PCSK2: variants seen among roughly 807,000 people sequenced by gnomAD.
PCSK2 encodes the protein neuroendocrine convertase 2.
In PCSK2, 14 loss-of-function variants were observed where a neutral mutation model predicts 69.7. That is an observed-to-expected ratio of 0.20 (90% CI 0.13 to 0.31). PCSK2 has a LOEUF of 0.31. PCSK2 is among the 10% of genes least tolerant of loss of function. PCSK2 has a pLI of 1.00. For synonymous variants in PCSK2, 307 were observed against 320.7 expected (o/e 0.96, Z 0.46); for missense variants, 544 against 842.5 (o/e 0.65, Z 4.39).
chr20:17,328,426 CATA>C (rs1478230601), intron 2 of PCSK2, among the ~76,000 whole-genome samples: 1 of 147,996 alleles, frequency 6.8e-6, no homozygotes, highest in African/African-American at 2.5e-5. Flanking sequence ...TAAAATTATA[CATA>C]ATTTTATATA....
At chr20:17,468,738 C>A (rs1157327413) in intron 11 of PCSK2, among the ~76,000 whole-genome samples, 1 of 151,810 alleles carries the variant, frequency 6.6e-6, no homozygotes, top group African/African-American at 2.4e-5. Context: ...CTGCTGTAGA[C>A]AGGCAGCCCA....
chr20:17,329,967 A>G lies in PCSK2; in HGVS notation c.283-28360A>G, dbSNP rs575958948. Among the ~76,000 whole-genome samples the G allele has an allele frequency of 3.9e-5, 6 of 152,356 alleles. No individual in the cohort carries two copies. The South Asian group carries it at 1.2e-3, about 32-fold the overall frequency. The stretch of plus-strand genomic sequence containing the variant: ...CAATAGAAATGTAATGTGAGCCACA[A>G]CTGTGTACATAATATGAAGTAGCCA... On this transcript the variant is annotated intron_variant, in intron 2 of 11. Coordinates refer to ENST00000262545, the MANE Select transcript of PCSK2 (RefSeq NM_002594.5).
chr20:17,301,694 A>T (rs1989089244), intron 2 of PCSK2, among the ~76,000 whole-genome samples: 1 of 152,176 alleles, frequency 6.6e-6, no homozygotes, highest in African/African-American at 2.4e-5. Flanking sequence ...ACACTTTGGG[A>T]GTCCAAGGCA....
At chr20:17,228,331 A>G (rs1986010325) in intron 1 of PCSK2, 1 of 152,246 alleles carries the variant, frequency 6.6e-6, no homozygotes, top group Non-Finnish European at 1.5e-5. Context: ...GACACCTTGG[A>G]TCTCCTTTGG....
chr20:17,316,442 T>C (rs113339216), intron 2 of PCSK2, among the ~76,000 whole-genome samples: 1 of 152,230 alleles, frequency 6.6e-6, no homozygotes, highest in Admixed American at 6.5e-5. Context: ...TTTCTTCAGA[T>C]AACAAGCTTG....
At chr20:17,237,921 G>A (rs976286785) in intron 1 of PCSK2, among the ~76,000 whole-genome samples, 1 of 152,156 alleles carries the variant, frequency 6.6e-6, no homozygotes, top group African/African-American at 2.4e-5. Context: ...TACACGCATT[G>A]CATTGACATA....
intron 2 of PCSK2, among the ~76,000 whole-genome samples, chr20:17,328,619 T>G (rs189678395): frequency 1.3e-5 from 2 of 152,210 alleles, no homozygotes; most frequent in African/African-American, 4.8e-5. Flanking sequence ...AAGGGTGCTA[T>G]GTATGGTAAA....
At chr20:17,357,894 CAAAA>C (rs11429693) in intron 2 of PCSK2, among the ~76,000 whole-genome samples, 1 of 120,374 alleles carries the variant, frequency 8.3e-6, no homozygotes, top group African/African-American at 3.1e-5. Flanking sequence ...AACTCTGTCT[CAAAA>C]AAAAAAAAAA....
At chr20:17,273,134 C>G (rs1305503069) in intron 2 of PCSK2, among the ~76,000 whole-genome samples, 1 of 152,078 alleles carries the variant, frequency 6.6e-6, no homozygotes, top group East Asian at 1.9e-4. Flanking sequence ...TTTTATAAAA[C>G]TTAATAAAGT....
At chr20:17,427,851 C>T (rs143268851) in intron 6 of PCSK2, among the ~76,000 whole-genome samples, 1,546 of 152,214 alleles carry the variant, frequency 0.01, 28 homozygotes, top group African/African-American at 0.035. Flanking sequence ...TAGGCTAGCC[C>T]GGGCTTACTC....
chr20:17,366,768 A>G (rs1164969800), intron 4 of PCSK2, among the ~76,000 whole-genome samples: 1 of 152,172 alleles, frequency 6.6e-6, no homozygotes, highest in Non-Finnish European at 1.5e-5. Flanking sequence ...CTAACTTAAC[A>G]CTTAGTATTC....
At chr20:17,460,059 A>G (rs1225133528) in intron 10 of PCSK2, among the ~76,000 whole-genome samples, 1 of 152,148 alleles carries the variant, frequency 6.6e-6, no homozygotes, top group Non-Finnish European at 1.5e-5. Context: ...GGTTTAGGGT[A>G]CCGGGGTACC....
At chr20:17,227,883 G>A (rs1006711331) in intron 1 of PCSK2, among the ~76,000 whole-genome samples, 5 of 152,076 alleles carry the variant, frequency 3.3e-5, no homozygotes, top group Non-Finnish European at 7.4e-5. Flanking sequence ...CCATCCCCCG[G>A]AGAAAGAATA....
rs1055478119 is a variant in PCSK2, at chr20:17,253,054, T to C, written c.178-7186T>C. ...GGAATATACAACCTTATAGGGAAAC[T>C]TTTCTGAAGTATCTATCAAAATGAT... On this transcript the variant is annotated intron_variant, in intron 1 of 11. Transcript: ENST00000262545. Among the ~76,000 whole-genome samples the C allele has an allele frequency of 3.3e-5, 5 of 152,174 alleles. No homozygotes were observed. The East Asian group carries it at 9.6e-4, about 29-fold the overall frequency.
intron 5 of PCSK2, among the ~76,000 whole-genome samples, chr20:17,405,777 G>GTT (rs936319375): frequency 6.6e-6 from 1 of 152,078 alleles, no homozygotes; most frequent in Non-Finnish European, 1.5e-5. Context: ...CCAGGGATGG[G>GTT]TTTTTTTCCC....
At chr20:17,242,233 A>G (rs1285690944) in intron 1 of PCSK2, among the ~76,000 whole-genome samples, 1 of 152,364 alleles carries the variant, frequency 6.6e-6, no homozygotes, top group African/African-American at 2.4e-5. Flanking sequence ...GGAATGGCAT[A>G]GGAGTAGGCA....
intron 1 of PCSK2, among the ~76,000 whole-genome samples, chr20:17,232,354 T>A (rs1382450115): frequency 6.6e-6 from 1 of 152,252 alleles, no homozygotes; most frequent in East Asian, 1.9e-4. Context: ...ATTTTACATC[T>A]GTTTTCTTTT....
chr20:17,313,125 A>T (rs1989568406), intron 2 of PCSK2, among the ~76,000 whole-genome samples: 3 of 152,238 alleles, frequency 2.0e-5, no homozygotes, highest in African/African-American at 7.2e-5. Context: ...TTAACCCAAC[A>T]TATCCAAAAT....
At chr20:17,383,539 A>G (rs747225571) in intron 5 of PCSK2, among the ~76,000 whole-genome samples, 44 of 152,234 alleles carry the variant, frequency 2.9e-4, no homozygotes, top group Non-Finnish European at 6.2e-4. Flanking sequence ...TTTGTGTTAT[A>G]TGCAATTAAC....
Sources: allele counts gnomAD v4.1 joint callset (sites outside exome capture counted in the v4.1 genomes callset), GRCh38; gene constraint gnomAD v4.1.1; transcripts MANE v1.5; gene names NCBI Gene and HGNC (gene_info 2026-07-23, HGNC 2026-07-21).